Variants in YWHAZ observed in about 807,000 individuals in gnomAD.
YWHAZ encodes the protein 14-3-3 protein zeta/delta.
For missense variants in YWHAZ, 79 were observed against 284.8 expected (o/e 0.28, Z 5.20); for synonymous variants, 87 against 103.6 (o/e 0.84, Z 0.97).
At chr8:100,941,826 C>A (rs74610538) in intron 2 of YWHAZ, among the ~76,000 whole-genome samples, 45 of 42,256 alleles carry the variant, frequency 1.1e-3, no homozygotes, top group South Asian at 3.3e-3. Context: ...AAAAAAAAAA[C>A]ATCTCTAACT....
intron 2 of YWHAZ, 80 bp from the exon 3 acceptor site, chr8:100,925,119 C>CTA: frequency 7.0e-7 from 1 of 1,438,778 alleles, no homozygotes; most frequent in South Asian, 1.4e-5. Flanking sequence ...AAAGAACAAA[C>CTA]TATAGCCTAA....
intron 1 of YWHAZ, chr8:100,950,522 C>T (rs1810642208): frequency 1.0e-6 from 1 of 985,626 alleles, no homozygotes; most frequent in South Asian, 4.7e-5. Context: ...CAAGTCGGAG[C>T]CACGGCTCAA....
At position 100,918,280 on chromosome 8, in the gene YWHAZ, T is replaced by C. The variant is rs1812784937; in HGVS notation, c.*2413A>G. Reference sequence around the variant, plus strand: ...ATCGCTTGAACCCAGCAGGCGGAGGTTGCACTCAGCCGAGATCGCACCACT... The same window carrying C: ...ATCGCTTGAACCCAGCAGGCGGAGGCTGCACTCAGCCGAGATCGCACCACT... On this transcript the variant is annotated 3_prime_UTR_variant, in exon 6 of 6. Coordinates refer to ENST00000395958, the MANE Select transcript of YWHAZ (RefSeq NM_145690.3). The C allele has an allele frequency of 6.8e-6, 1 of 146,258 alleles. No individual in the cohort carries two copies. The highest frequency in any genetic ancestry group is 1.5e-5 in the Non-Finnish European group (1 of 66,556). 9.1% of individuals were successfully genotyped at this position (146,258 alleles called of 1,614,324 possible).
Position 100,924,822 on chromosome 8 carries a change from G to C in YWHAZ, c.418+94C>G, listed in dbSNP as rs1813250948. 2 of 1,520,992 alleles carry C rather than the reference G, an allele frequency of 1.3e-6. No homozygotes were observed. The highest frequency in any genetic ancestry group is 2.8e-5 in the African/African-American group (2 of 72,566). 94.2% of individuals were successfully genotyped at this position (1,520,992 alleles called of 1,614,324 possible). A position where few individuals can be genotyped will look rare whatever the true frequency, so the allele number is the denominator to read the frequency against. On this transcript the variant is annotated intron_variant, in intron 3 of 5. Coordinates refer to ENST00000395958, the MANE Select transcript of YWHAZ (RefSeq NM_145690.3). The surrounding 1 kb of genome is among the most constrained non-coding windows in gnomAD (Gnocchi z 5.7). ...TGCTACTCCTTATTCGGCACTCTAAGCAATTCAAAACAAGACATTATGTAC... is the reference window on the plus strand; with the variant it reads ...TGCTACTCCTTATTCGGCACTCTAACCAATTCAAAACAAGACATTATGTAC...
At chr8:100,940,448 CTT>C (rs1809745146) in intron 2 of YWHAZ, among the ~76,000 whole-genome samples, 1 of 152,228 alleles carries the variant, frequency 6.6e-6, no homozygotes, top group African/African-American at 2.4e-5. Flanking sequence ...ACTTTTCCCT[CTT>C]TGACTTGTAT....
intron 5 of YWHAZ, among the ~76,000 whole-genome samples, chr8:100,921,124 C>G (rs1586079452): frequency 6.6e-6 from 1 of 152,098 alleles, no homozygotes; most frequent in East Asian, 1.9e-4. Context: ...CCCTCCGCCT[C>G]CCAGGTTCAA....
chr8:100,931,210 AATG>A (rs1813738141), intron 2 of YWHAZ, among the ~76,000 whole-genome samples: 2 of 152,366 alleles, frequency 1.3e-5, no homozygotes, highest in South Asian at 4.1e-4. Context: ...CTATATTTAC[AATG>A]ATGTTTTGTC....
chr8:100,940,942 A>C (rs926423876), intron 2 of YWHAZ, among the ~76,000 whole-genome samples: 1 of 152,262 alleles, frequency 6.6e-6, no homozygotes, highest in Admixed American at 6.5e-5. Flanking sequence ...TTAAAGTTTT[A>C]TCTCTGCTCC....
At chr8:100,933,527 G>C (rs749630324) in intron 2 of YWHAZ, among the ~76,000 whole-genome samples, 6 of 151,984 alleles carry the variant, frequency 3.9e-5, no homozygotes, top group Non-Finnish European at 8.8e-5. Context: ...CCTCAATAAA[G>C]CTGGAAAAAT....
chr8:100,947,917 A>G (rs1176303175), intron 2 of YWHAZ, among the ~76,000 whole-genome samples: 5 of 152,274 alleles, frequency 3.3e-5, no homozygotes, highest in Admixed American at 6.5e-5. Context: ...GCCCTACTTT[A>G]TATGACAGAT....
At chr8:100,933,330 G>C (rs191805210) in intron 2 of YWHAZ, among the ~76,000 whole-genome samples, 1 of 150,864 alleles carries the variant, frequency 6.6e-6, no homozygotes, top group African/African-American at 2.4e-5. Flanking sequence ...CTGCACTCCA[G>C]CCTGGGTAAC....
chr8:100,947,044 G>A (rs1810338356), intron 2 of YWHAZ, among the ~76,000 whole-genome samples: 2 of 151,710 alleles, frequency 1.3e-5, no homozygotes, highest in African/African-American at 2.4e-5. Flanking sequence ...ACGAGGTCAG[G>A]AGATCGAGAC....
chr8:100,950,279 A>G (rs1810612063), intron 1 of YWHAZ: 1 of 758,906 alleles, frequency 1.3e-6, no homozygotes, highest in Admixed American at 6.3e-5. Flanking sequence ...AAGCCAGTAC[A>G]AAGGATTCTC....
Position 100,918,509 on chromosome 8 carries a change from C to T in YWHAZ, c.*2184G>A, listed in dbSNP as rs933373743. ...GTAAGTGAGGTAAAAGAAAGAGCTG[C>T]GAGGGAAAAGGATTGTTGCCCTAGA... is the stretch of plus-strand genomic sequence containing the variant. On this transcript the variant is annotated 3_prime_UTR_variant, in exon 6 of 6. Coordinates refer to ENST00000395958, the MANE Select transcript of YWHAZ (RefSeq NM_145690.3). 2.1e-5 allele frequency: 3 copies of T among 140,218 alleles called. No homozygotes were observed. Among genetic ancestry groups the T allele is most frequent in the African/African-American group, 5.2e-5 (2 of 38,104 alleles). 8.7% of individuals were successfully genotyped at this position (140,218 alleles called of 1,614,324 possible). A position where few individuals can be genotyped will look rare whatever the true frequency, so the allele number is the denominator to read the frequency against.
intron 1 of YWHAZ, chr8:100,951,527 G>A: frequency 1.0e-6 from 1 of 985,636 alleles, no homozygotes; most frequent in Non-Finnish European, 1.2e-6. Context: ...AGGGCGGCGA[G>A]GGAGGGGGTG....
chr8:100,952,246 C>G, upstream of YWHAZ: 3 of 750,538 alleles, frequency 4.0e-6, no homozygotes, highest in South Asian at 1.8e-4. Flanking sequence ...CGTCCTCGCC[C>G]GCAGCCGCCA....
At chr8:100,950,003 T>C (rs1399975038) in intron 1 of YWHAZ, among the ~76,000 whole-genome samples, 3 of 152,072 alleles carry the variant, frequency 2.0e-5, no homozygotes, top group African/African-American at 7.3e-5. Flanking sequence ...AACAGAAGAG[T>C]CCACCTTGGC....
At chr8:100,952,819 C>A (rs1221584542), upstream of YWHAZ, 2 of 1,000,394 alleles carry the variant, frequency 2.0e-6, no homozygotes, top group Non-Finnish European at 1.2e-6. Flanking sequence ...CGCGGCCCCT[C>A]CCGGCCTCCC....
In YWHAZ at chr8:100,942,190, A is replaced by G. The variant is rs1809918532; in HGVS notation, c.294+6406T>C. Among the ~76,000 whole-genome samples the G allele has an allele frequency of 2.6e-5, 4 of 152,214 alleles. No individual in the cohort carries two copies. In the South Asian group the frequency reaches 8.3e-4, roughly 32 times the overall value. On this transcript the variant is annotated intron_variant, in intron 2 of 5. Coordinates refer to ENST00000395958, the MANE Select transcript of YWHAZ (RefSeq NM_145690.3). ...GGTGTCACACAAAATGATCTTACTG[A>G]TATCAAGTCAGCTATATTCATCCAC... is the stretch of plus-strand genomic sequence containing the variant.
Sources: gnomAD v4.1 joint callset for allele counts (sites outside exome capture counted in the v4.1 genomes callset) on GRCh38, gnomAD v4.1.1 for gene constraint, Gnocchi (gnomAD v3.1) non-coding constraint, MANE v1.5 for transcripts, NCBI Gene and HGNC (gene_info 2026-07-23, HGNC 2026-07-21) for gene names.